RTTN: variants seen among roughly 807,000 people sequenced by gnomAD.
RTTN encodes rotatin.
A neutral mutation model predicts 269.2 loss-of-function variants in RTTN; 182 were observed. That is an observed-to-expected ratio of 0.68 (90% CI 0.60 to 0.76). RTTN has a LOEUF of 0.76. RTTN is among the 30% of genes least tolerant of loss of function. RTTN has a pLI of 0.00. For missense variants in RTTN, 2,545 were observed against 2,608.6 expected, an observed-to-expected ratio of 0.98 and a Z score of 0.53; for synonymous variants, 1,006 against 963.5, an observed-to-expected ratio of 1.04 and a Z score of -0.82.
rs769144428 is a variant in RTTN at position 70,054,263 on chromosome 18, G to A, written c.5053C>T (p.Leu1685=). The A allele has an allele frequency of 3.7e-6, 6 of 1,612,054 alleles. No individual in the cohort carries two copies. In the East Asian group the frequency reaches 6.7e-5, roughly 18 times the overall value. ...QAQVSFLLEY[L]SSLSRLLQSC... The stretch of plus-strand genomic sequence containing the variant: ...TGCAGAAGCCTGGACAAAGAGGATA[G>A]GTATTCCAGGAGAAAGGAAACCTGT... Residue 1685 remains leucine (L), a synonymous_variant, in exon 38 of 49, where the codon CTA becomes TTA. Coordinates refer to ENST00000640769, the MANE Select transcript of RTTN (RefSeq NM_173630.4).
intron 25 of RTTN, among the ~76,000 whole-genome samples, chr18:70,122,633 G>A (rs1230564815): frequency 2.0e-5 from 3 of 152,132 alleles, no homozygotes; most frequent in Non-Finnish European, 4.4e-5. Flanking sequence ...CGGCTAGCAA[G>A]TTTTAAAACA....
intron 26 of RTTN, among the ~76,000 whole-genome samples, chr18:70,116,287 C>G (rs2059601733): frequency 6.6e-6 from 1 of 151,888 alleles, no homozygotes; most frequent in Admixed American, 6.6e-5. Context: ...TTCTGATATG[C>G]TGATAAAAAT....
At chr18:70,186,079 C>G (rs571651174) in intron 10 of RTTN, among the ~76,000 whole-genome samples, 8 of 143,248 alleles carry the variant, frequency 5.6e-5, no homozygotes, top group Non-Finnish European at 1.2e-4. Context: ...CCTCTCCCCC[C>G]CAAAAAAAAA....
Position 70,197,682 on chromosome 18 carries a change from T to G in RTTN, c.635A>C (p.Asp212Ala), listed in dbSNP as rs12956068. Residue 212 changes from aspartate (D) to alanine (A), a missense_variant, in exon 6 of 49, where the codon GAT becomes GCT. Physicochemically the swap from Asp to Ala is moderately radical, Grantham distance 126. Coordinates refer to ENST00000640769, the MANE Select transcript of RTTN (RefSeq NM_173630.4). Reference sequence around the variant, plus strand: ...AGCAGGAAAATCTTGCATGATAACATCCTTCAATAGTTCACAGGTGTTCCA... The same window carrying G: ...AGCAGGAAAATCTTGCATGATAACAGCCTTCAATAGTTCACAGGTGTTCCA... The part of the protein sequence containing the change: ...LIWNTCELLK[D>A]VIMQDFPAEI... 6,176 of 1,613,940 alleles carry G rather than the reference T, an allele frequency of 3.8e-3. 23 individuals carry two copies. The highest frequency in any genetic ancestry group is 4.5e-3 in the Non-Finnish European group (5,282 of 1,179,810).
In RTTN at chr18:70,188,194, C is replaced by T. The variant is rs2061590711; in HGVS notation, c.1219G>A (p.Glu407Lys). 1.2e-6 allele frequency: 2 copies of T among 1,607,930 alleles called. No individual in the cohort carries two copies. Among genetic ancestry groups the T allele is most frequent in the Non-Finnish European group, 1.7e-6 (2 of 1,175,244 alleles). ...GSRQVIIRVL[E>K]LLTEDMTLIG... The stretch of plus-strand genomic sequence containing the variant: ...AGTGTCATATCCTCTGTAAGCAATT[C>T]CAGAACTCTTATTATCACTTGTCTG... The change falls in exon 10 of 49, where the codon GAA (glutamate) becomes AAA (lysine). Residue 407 changes from glutamate to lysine, a missense_variant. Glu to Lys is a moderately conservative substitution (Grantham distance 56). Transcript: ENST00000640769.
At chr18:70,063,239 C>T (rs2058040729) in intron 35 of RTTN, among the ~76,000 whole-genome samples, 1 of 152,042 alleles carries the variant, frequency 6.6e-6, no homozygotes, top group African/African-American at 2.4e-5. Context: ...GCTTATTTTC[C>T]ACAGCCTCGC....
chr18:70,114,385 A>C (rs1291939113), intron 27 of RTTN, 60 bp downstream of exon 27: 1 of 1,487,788 alleles, frequency 6.7e-7, no homozygotes. Flanking sequence ...AACTTTGAAA[A>C]TCAAAGAAAA....
chr18:70,103,965 C>T (rs1251069893), intron 28 of RTTN, among the ~76,000 whole-genome samples: 1 of 151,948 alleles, frequency 6.6e-6, no homozygotes, highest in Non-Finnish European at 1.5e-5. Flanking sequence ...AATTATGTGC[C>T]TTGGAGTTGC....
At chr18:70,199,896 A>G (rs2146169941) in intron 4 of RTTN, among the ~76,000 whole-genome samples, 1 of 152,364 alleles carries the variant, frequency 6.6e-6, no homozygotes, top group Middle Eastern at 3.4e-3. Context: ...TAAAAATGAT[A>G]AAACATAATG....
In RTTN at chr18:70,200,251, T is replaced by C. The variant is rs182900805; in HGVS notation, c.488-747A>G. On this transcript the variant is annotated intron_variant, in intron 4 of 48. Transcript: ENST00000640769. The stretch of plus-strand genomic sequence containing the variant: ...CATAGCACAGTTACTTCTTTCAAAA[T>C]TGCTAACATAAAAGCAGGATTTACT... Among the ~76,000 whole-genome samples, 13 of 152,276 alleles carry C rather than the reference T, an allele frequency of 8.5e-5. No individual in the cohort carries two copies. The East Asian group carries it at 2.5e-3, about 29-fold the overall frequency.
At chr18:70,081,244 A>G (rs8093209) in intron 32 of RTTN, among the ~76,000 whole-genome samples, 6,886 of 152,166 alleles carry the variant, frequency 0.045, 537 homozygotes, top group African/African-American at 0.16. Context: ...GGTGATGGGT[A>G]CACCAAAATC....
At chr18:70,018,130 G>A (rs1459602584) in intron 45 of RTTN, among the ~76,000 whole-genome samples, 1 of 152,148 alleles carries the variant, frequency 6.6e-6, no homozygotes, top group Admixed American at 6.6e-5. Context: ...TACAGGTGTT[G>A]TTGTTGTTTT....
chr18:70,184,406 A>C (rs988916754), intron 10 of RTTN, among the ~76,000 whole-genome samples: 2 of 152,046 alleles, frequency 1.3e-5, no homozygotes, highest in Admixed American at 1.3e-4. Flanking sequence ...ATACAAAAAA[A>C]TTAGCTGGGC....
intron 10 of RTTN, among the ~76,000 whole-genome samples, chr18:70,186,452 C>A (rs559307035): frequency 6.6e-6 from 1 of 152,176 alleles, no homozygotes; most frequent in Non-Finnish European, 1.5e-5. Context: ...TGCTGTACTA[C>A]TACATAAACA....
At chr18:70,179,279 A>T (rs1025681577) in intron 10 of RTTN, among the ~76,000 whole-genome samples, 12 of 152,334 alleles carry the variant, frequency 7.9e-5, no homozygotes, top group Admixed American at 2.0e-4. Flanking sequence ...TCCTCCATAC[A>T]GTATTTCTCC....
At chr18:70,139,975 T>C in intron 20 of RTTN, 125 bp downstream of exon 20, 1 of 696,526 alleles carries the variant, frequency 1.4e-6, no homozygotes, top group South Asian at 1.8e-5. Flanking sequence ...AAAAAATGAA[T>C]GAGATAGGAG....
intron 45 of RTTN, 55 bp downstream of exon 45, chr18:70,020,560 A>G: frequency 7.1e-7 from 1 of 1,402,606 alleles, no homozygotes; most frequent in Non-Finnish European, 9.8e-7. Flanking sequence ...TTTTGATTGG[A>G]AAGATTATTT....
intron 34 of RTTN, among the ~76,000 whole-genome samples, chr18:70,071,911 A>C (rs17806305): frequency 0.022 from 3,370 of 152,314 alleles, 54 homozygotes; most frequent in Middle Eastern, 0.044. Context: ...CAATTCTGAG[A>C]TAAACAAAAC....
chr18:70,109,796 G>A (rs920582505), intron 27 of RTTN, 79 bp from the exon 28 acceptor site: 1 of 1,148,264 alleles, frequency 8.7e-7, no homozygotes, highest in Non-Finnish European at 1.3e-6. Context: ...GCTATAAAAG[G>A]TTACTTAAAC....
Sources: gnomAD v4.1 joint callset for allele counts (sites outside exome capture counted in the v4.1 genomes callset) on GRCh38, gnomAD v4.1.1 for gene constraint, MANE v1.5 for transcripts, NCBI Gene and HGNC (gene_info 2026-07-23, HGNC 2026-07-21) for gene names.